Variants in DLGAP2 observed in about 807,000 individuals in gnomAD.
DLGAP2 encodes the protein DLG associated protein 2, also known as disks large-associated protein 2.
A neutral mutation model predicts 100.3 loss-of-function variants in DLGAP2; 26 were observed. The observed-to-expected ratio is 0.26, with a 90% CI of 0.19 to 0.36. DLGAP2 has a LOEUF of 0.36. Among genes scored for constraint, DLGAP2 ranks in the 10% least tolerant of loss-of-function variants. The pLI, the probability that DLGAP2 is intolerant of heterozygous loss-of-function variation, is 1.00. For synonymous variants in DLGAP2, 886 were observed against 630.1 expected (o/e 1.41, Z -6.08); for missense variants, 1,858 against 1,453.2 (o/e 1.28, Z -4.53).
intron 1 of DLGAP2, among the ~76,000 whole-genome samples, chr8:810,491 C>T (rs1270688591): frequency 6.6e-6 from 1 of 152,172 alleles, no homozygotes; most frequent in African/African-American, 2.4e-5. Flanking sequence ...CTGTTTGCCA[C>T]CTATTGTTTT....
At chr8:1,450,496 G>C (rs11136391) in intron 3 of DLGAP2, among the ~76,000 whole-genome samples, 1 of 87,528 alleles carries the variant, frequency 1.1e-5, no homozygotes, top group Non-Finnish European at 2.7e-5. Flanking sequence ...TGAGGTGGGC[G>C]GCCTCGGTGG....
At chr8:1,261,992 A>G (rs921891483) in intron 3 of DLGAP2, among the ~76,000 whole-genome samples, 8 of 152,216 alleles carry the variant, frequency 5.3e-5, no homozygotes, top group African/African-American at 1.9e-4. Flanking sequence ...CTCATTTAGC[A>G]TCTCGCTTTC....
intron 11 of DLGAP2, among the ~76,000 whole-genome samples, chr8:1,677,547 C>T (rs1277504339): frequency 3.3e-5 from 5 of 152,198 alleles, no homozygotes; most frequent in African/African-American, 4.8e-5. Flanking sequence ...CACAGGCACA[C>T]GATACAGAGC....
At position 1,555,452 on chromosome 8, in the gene DLGAP2, G is replaced by T. The variant is rs927574962; in HGVS notation, c.1230+5769G>T. 2.2e-4 allele frequency among the ~76,000 whole-genome samples: 33 copies of T among 152,160 alleles called. 1 individual carries two copies. Among genetic ancestry groups the T allele is most frequent in the Admixed American group, 1.6e-3 (24 of 15,278 alleles). ...TGTTGTGAGGGGCTCCTCCACAACT[G>T]CCCTGCCTCTGGGCCACCGCTTCCC... On this transcript the variant is annotated intron_variant, in intron 5 of 14. Coordinates refer to ENST00000637795, the MANE Select transcript of DLGAP2 (RefSeq NM_001346810.2).
intron 1 of DLGAP2, among the ~76,000 whole-genome samples, chr8:822,752 C>T (rs1796607259): frequency 1.3e-5 from 2 of 152,120 alleles, no homozygotes; most frequent in South Asian, 4.1e-4. Flanking sequence ...GTCCACAGGC[C>T]TGGGCGTGGT....
intron 1 of DLGAP2, among the ~76,000 whole-genome samples, chr8:906,027 G>T (rs929573363): frequency 2.6e-5 from 4 of 152,246 alleles, no homozygotes; most frequent in African/African-American, 9.6e-5. Context: ...ACTTGCGTTA[G>T]TCTGGAGCTA....
At chr8:1,458,948 G>A (rs1441013523) in intron 3 of DLGAP2, among the ~76,000 whole-genome samples, 1 of 152,150 alleles carries the variant, frequency 6.6e-6, no homozygotes, top group Non-Finnish European at 1.5e-5. Flanking sequence ...GTGTGTCCCA[G>A]ACAGGAGTGA....
At chr8:920,799 A>T (rs189498568) in intron 2 of DLGAP2, among the ~76,000 whole-genome samples, 126 of 152,344 alleles carry the variant, frequency 8.3e-4, no homozygotes, top group African/African-American at 2.3e-3. Context: ...GATATAAAAA[A>T]AAATAAATAA....
intron 1 of DLGAP2, among the ~76,000 whole-genome samples, chr8:874,702 A>G (rs1477765242): frequency 6.6e-6 from 1 of 152,124 alleles, no homozygotes; most frequent in Non-Finnish European, 1.5e-5. Context: ...GTTGGATGGA[A>G]TGTTGTATTG....
intron 2 of DLGAP2, among the ~76,000 whole-genome samples, chr8:968,609 C>T (rs1799939173): frequency 6.6e-6 from 1 of 152,192 alleles, no homozygotes; most frequent in Admixed American, 6.5e-5. Flanking sequence ...AGTGCATCCT[C>T]AGTTGGGAGG....
At chr8:1,080,525 A>C (rs1803770706) in intron 2 of DLGAP2, among the ~76,000 whole-genome samples, 1 of 152,208 alleles carries the variant, frequency 6.6e-6, no homozygotes, top group African/African-American at 2.4e-5. Context: ...ATCAGGCGGA[A>C]TAGGGACCTG....
At chr8:1,145,562 A>G (rs966328235) in intron 2 of DLGAP2, among the ~76,000 whole-genome samples, 3 of 152,174 alleles carry the variant, frequency 2.0e-5, no homozygotes, top group East Asian at 1.9e-4. Context: ...AACTCTTACC[A>G]ATAATGCTGC....
chr8:1,422,054 C>T (rs1000793750), intron 3 of DLGAP2, among the ~76,000 whole-genome samples: 18 of 152,096 alleles, frequency 1.2e-4, no homozygotes, highest in Non-Finnish European at 2.6e-4. Context: ...ATCTAACACA[C>T]GCTAGGCACC....
rs562445842 is a variant in DLGAP2, at chr8:1,474,130, A to G, written c.107-27236A>G. Among the ~76,000 whole-genome samples the G allele has an allele frequency of 6.6e-5, 10 of 152,206 alleles. No homozygotes were observed. The South Asian group carries it at 8.3e-4, about 13-fold the overall frequency. Reference sequence around the variant, plus strand: ...TCCCTCTTACAAGCAAGAACATTCAATATTTGGCTTTCCATTCCTGAGTTA... The same window carrying G: ...TCCCTCTTACAAGCAAGAACATTCAGTATTTGGCTTTCCATTCCTGAGTTA... On this transcript the variant is annotated intron_variant, in intron 3 of 14. Coordinates refer to ENST00000637795, the MANE Select transcript of DLGAP2 (RefSeq NM_001346810.2).
intron 2 of DLGAP2, among the ~76,000 whole-genome samples, chr8:1,128,271 C>T (rs1190406735): frequency 1.3e-5 from 2 of 151,486 alleles, no homozygotes; most frequent in Admixed American, 6.6e-5. Flanking sequence ...TGAGGACCTG[C>T]TCCCGGTGTT....
In DLGAP2 at chr8:1,278,076, C is replaced by A. The variant is rs1295281218; in HGVS notation, c.106+19193C>A. Among the ~76,000 whole-genome samples the A allele has an allele frequency of 2.6e-5, 4 of 152,228 alleles. No individual in the cohort carries two copies. The South Asian group carries it at 6.2e-4, about 24-fold the overall frequency. ...GCAATTTCAACATTCAGGAGACATG[C>A]CTTTCTTTTCTCATTTATTCAGATG... On this transcript the variant is annotated intron_variant, in intron 3 of 14. Transcript: ENST00000637795.
chr8:1,346,802 A>C (rs13251083), intron 3 of DLGAP2, among the ~76,000 whole-genome samples: 180 of 62,528 alleles, frequency 2.9e-3, no homozygotes, highest in Non-Finnish European at 2.7e-3. Context: ...CTCATGGTAG[A>C]TGTGTGGAGG....
At chr8:1,301,317 C>T (rs1800333232) in intron 3 of DLGAP2, 1 of 152,336 alleles carries the variant, frequency 6.6e-6, no homozygotes, top group Non-Finnish European at 1.5e-5. Context: ...CCATGAGAGG[C>T]CTCTGCCTGG....
At chr8:840,705 C>T (rs1195862396) in intron 1 of DLGAP2, among the ~76,000 whole-genome samples, 2 of 147,380 alleles carry the variant, frequency 1.4e-5, no homozygotes, top group East Asian at 2.1e-4. Flanking sequence ...TCCCTACACT[C>T]TGGATTCTGT....
Sources: allele counts gnomAD v4.1 joint callset (sites outside exome capture counted in the v4.1 genomes callset), GRCh38; gene constraint gnomAD v4.1.1; transcripts MANE v1.5; gene names NCBI Gene and HGNC (gene_info 2026-07-23, HGNC 2026-07-21).